GDPD4: variants seen among roughly 807,000 people sequenced by gnomAD.
The protein encoded by GDPD4 is glycerophosphodiester phosphodiesterase 6.
In GDPD4, 60 loss-of-function variants were observed where a neutral mutation model predicts 67.8. The ratio of observed to expected loss-of-function variants is 0.88; its 90% CI spans 0.72 to 1.10. The LOEUF (loss-of-function observed/expected upper bound fraction) is 1.10. Ranked by LOEUF, GDPD4 falls within the 50% of genes least tolerant of loss-of-function variation. GDPD4 has a pLI of 0.00. For synonymous variants in GDPD4, 212 were observed against 210.9 expected, an observed-to-expected ratio of 1.00 and a Z score of -0.04; for missense variants, 623 against 613.9, an observed-to-expected ratio of 1.01 and a Z score of -0.16.
chr11:77,265,459 A>G (rs147615439), intron 10 of GDPD4, among the ~76,000 whole-genome samples: 2,466 of 152,248 alleles, frequency 0.016, 21 homozygotes, highest in African/African-American at 0.026. Flanking sequence ...AAGCTAACGC[A>G]ATTCTTTTCT....
Position 77,227,868 on chromosome 11 carries a change from G to A in GDPD4, c.1521C>T (p.Arg507=). Reference sequence around the variant, plus strand: ...GGGCTAGGCCTCTGACTTTACCTGTGCGAGTGCTGGAGGTTTCAAACAATT... The same window carrying A: ...GGGCTAGGCCTCTGACTTTACCTGTACGAGTGCTGGAGGTTTCAAACAATT... ...KEKLFETSST[R]TDTQSGSKNE... The change falls in exon 16 of 17, where the codon CGC becomes CGT. Residue 507 remains arginine (R), a synonymous_variant. Transcript: ENST00000315938. The A allele has an allele frequency of 6.2e-7, 1 of 1,612,074 alleles. No homozygotes were observed. The highest frequency in any genetic ancestry group is 1.7e-5 in the Admixed American group (1 of 60,006).
intron 16 of GDPD4, among the ~76,000 whole-genome samples, chr11:77,225,198 G>T (rs1009815389): frequency 1.3e-5 from 2 of 151,772 alleles, no homozygotes; most frequent in Non-Finnish European, 2.9e-5. Context: ...CTACTCAGAA[G>T]ACTGAGGCAG....
intron 1 of GDPD4, among the ~76,000 whole-genome samples, chr11:77,295,623 C>T (rs982948817): frequency 1.8e-4 from 28 of 152,204 alleles, no homozygotes; most frequent in Middle Eastern, 3.4e-3. Flanking sequence ...AGAATGAGAC[C>T]TTGTCTCTAA....
chr11:77,229,191 G>T lies in GDPD4; in HGVS notation c.1431C>A (p.Ile477=), dbSNP rs781476294. 5.0e-6 allele frequency: 8 copies of T among 1,608,834 alleles called. No homozygotes were observed. In the Admixed American group the frequency reaches 1.3e-4, roughly 27 times the overall value. ...TGGCAACAATAAAAAGCACAGAAAT[G>T]ATATCTGCAAGGAGCCACATGAACA... ...FYVFMWLLAD[I]ISVLFIVAIF... is the part of the protein sequence containing the mutation. Residue 477 remains isoleucine, a synonymous_variant, in exon 15 of 17, where the codon ATC becomes ATA. Coordinates refer to ENST00000315938, the MANE Select transcript of GDPD4 (RefSeq NM_182833.3).
intron 16 of GDPD4, among the ~76,000 whole-genome samples, chr11:77,225,125 C>G (rs554547101): frequency 6.6e-6 from 1 of 151,880 alleles, no homozygotes; most frequent in South Asian, 2.1e-4. Flanking sequence ...AAACAAAAAA[C>G]TAGTAAACAC....
intron 14 of GDPD4, among the ~76,000 whole-genome samples, chr11:77,230,511 T>C (rs552428707): frequency 1.3e-5 from 2 of 152,300 alleles, no homozygotes; most frequent in South Asian, 2.1e-4. Flanking sequence ...TCTAGGTAGA[T>C]TGCTCATTCA....
intron 10 of GDPD4, among the ~76,000 whole-genome samples, chr11:77,264,803 G>A (rs1017500254): frequency 1.3e-5 from 2 of 151,992 alleles, no homozygotes; most frequent in African/African-American, 4.8e-5. Flanking sequence ...CAGGAGACCA[G>A]AATATGCCAC....
chr11:77,272,668 C>T (rs901445851), intron 5 of GDPD4, among the ~76,000 whole-genome samples: 3 of 151,646 alleles, frequency 2.0e-5, no homozygotes, highest in Non-Finnish European at 4.4e-5. Context: ...TCCAGCTACT[C>T]GGGAGGCTGA....
intron 8 of GDPD4, 145 bp downstream of exon 8, chr11:77,269,738 T>A: frequency 1.9e-5 from 10 of 539,598 alleles, no homozygotes; most frequent in South Asian, 2.3e-5. Flanking sequence ...CACATTCACA[T>A]ACAGAGCCTG....
chr11:77,270,959 C>A, intron 7 of GDPD4, 171 bp downstream of exon 7: 1 of 575,844 alleles, frequency 1.7e-6, no homozygotes, highest in Non-Finnish European at 3.0e-6. Context: ...CCATTGGCCA[C>A]TATAACAGGG....
At chr11:77,292,827 C>T (rs1937824964) in intron 1 of GDPD4, among the ~76,000 whole-genome samples, 1 of 151,956 alleles carries the variant, frequency 6.6e-6, no homozygotes, top group African/African-American at 2.4e-5. Flanking sequence ...AACTTCATTC[C>T]CATAAATTCT....
At chr11:77,263,952 G>A (rs986875668) in intron 10 of GDPD4, among the ~76,000 whole-genome samples, 1 of 152,138 alleles carries the variant, frequency 6.6e-6, no homozygotes, top group African/African-American at 2.4e-5. Context: ...ATCTAACTCA[G>A]CTTCCATGGA....
intron 11 of GDPD4, among the ~76,000 whole-genome samples, chr11:77,248,918 G>A (rs1421293834): frequency 8.3e-5 from 12 of 145,422 alleles, no homozygotes; most frequent in South Asian, 2.2e-4. Context: ...TAGTAGAGAC[G>A]GTGTCACCAT....
intron 16 of GDPD4, among the ~76,000 whole-genome samples, chr11:77,217,701 G>T (rs922916272): frequency 6.6e-6 from 1 of 152,184 alleles, no homozygotes; most frequent in Non-Finnish European, 1.5e-5. Flanking sequence ...CATATACAGT[G>T]CTCAGAAGTG....
At chr11:77,258,350 C>A in intron 11 of GDPD4, 36 bp downstream of exon 11, 1 of 1,603,204 alleles carries the variant, frequency 6.2e-7, no homozygotes, top group Non-Finnish European at 8.5e-7. Flanking sequence ...TACAAAAATT[C>A]AATGCAGGTT....
intron 2 of GDPD4, among the ~76,000 whole-genome samples, chr11:77,286,195 T>C (rs1244090386): frequency 6.6e-6 from 1 of 152,090 alleles, no homozygotes; most frequent in Non-Finnish European, 1.5e-5. Context: ...CAATACCAAT[T>C]CTTCCACCAT....
chr11:77,294,629 T>C (rs1937888119), intron 1 of GDPD4, among the ~76,000 whole-genome samples: 1 of 152,060 alleles, frequency 6.6e-6, no homozygotes, highest in Non-Finnish European at 1.5e-5. Context: ...ACTTTTTTTG[T>C]AGAAATCAAT....
chr11:77,295,869 T>C (rs1937936838), intron 1 of GDPD4, among the ~76,000 whole-genome samples: 1 of 152,198 alleles, frequency 6.6e-6, no homozygotes, highest in Non-Finnish European at 1.5e-5. Flanking sequence ...ATTTTGATGG[T>C]ACTTACACAA....
intron 3 of GDPD4, 116 bp downstream of exon 3, chr11:77,284,969 A>C (rs1565543210): frequency 1.3e-6 from 1 of 759,722 alleles, no homozygotes. Flanking sequence ...TGGAAAGCCC[A>C]GTTTTGTCCG....
Sources: allele counts gnomAD v4.1 joint callset (sites outside exome capture counted in the v4.1 genomes callset), GRCh38; gene constraint gnomAD v4.1.1; transcripts MANE v1.5; gene names NCBI Gene and HGNC (gene_info 2026-07-23, HGNC 2026-07-21).